The following PC variants were observed in gnomAD, a reference collection of about 807,000 sequenced individuals.
The protein encoded by PC is pyruvate carboxylase, mitochondrial.
In PC, 46 loss-of-function variants were observed where a neutral mutation model predicts 107.8. The observed-to-expected ratio is 0.43, with a 90% CI of 0.34 to 0.55. PC has a LOEUF of 0.55. PC is among the 20% of genes least tolerant of loss of function. The probability of loss-of-function intolerance (pLI) is 0.04; values close to 1 mark genes in which losing one functional copy is unlikely to be tolerated. For missense variants in PC, 1,241 were observed against 1,643.1 expected, an observed-to-expected ratio of 0.76 and a Z score of 4.23; for synonymous variants, 662 against 684.7, an observed-to-expected ratio of 0.97 and a Z score of 0.52.
At chr11:66,947,480 G>A (rs1392941497) in intron 3 of PC, among the ~76,000 whole-genome samples, 1 of 151,870 alleles carries the variant, frequency 6.6e-6, no homozygotes, top group Non-Finnish European at 1.5e-5. Flanking sequence ...CCAGCTACTC[G>A]GGAGGTTGAG....
At chr11:66,941,680 G>A (rs565758801) in intron 3 of PC, among the ~76,000 whole-genome samples, 12 of 152,244 alleles carry the variant, frequency 7.9e-5, no homozygotes, top group African/African-American at 2.4e-4. Flanking sequence ...TTTTAGTAGA[G>A]ACGGGGTTTC....
chr11:66,878,745 C>T lies in PC; in HGVS notation c.1-6586G>A, dbSNP rs367581173. On this transcript the variant is annotated intron_variant, in intron 3 of 22. Coordinates refer to ENST00000393960, the MANE Select transcript of PC (RefSeq NM_001040716.2). ...GGCCAAGAGGACTGTCCCCGGGGCA[C>T]GGGAGCTCTTTGGGTGGCAGCATGC... Among the ~76,000 whole-genome samples, 40 of 152,256 alleles carry T rather than the reference C, an allele frequency of 2.6e-4. No homozygotes were observed. The East Asian group carries it at 5.2e-3, about 20-fold the overall frequency.
chr11:66,898,309 C>T (rs1030538326), intron 3 of PC, among the ~76,000 whole-genome samples: 2 of 152,144 alleles, frequency 1.3e-5, no homozygotes, highest in Non-Finnish European at 2.9e-5. Context: ...ACTGCGCTGC[C>T]CTTCAGGGCC....
intron 3 of PC, among the ~76,000 whole-genome samples, chr11:66,877,448 G>A (rs975705720): frequency 6.6e-6 from 1 of 152,230 alleles, no homozygotes; most frequent in African/African-American, 2.4e-5. Context: ...CCAACACTTT[G>A]GGAGGCCAGG....
At chr11:66,905,920 T>C (rs1948150413) in intron 3 of PC, among the ~76,000 whole-genome samples, 1 of 151,516 alleles carries the variant, frequency 6.6e-6, no homozygotes, top group Admixed American at 6.6e-5. Context: ...GGAGCAGAGG[T>C]GGAACAGCAG....
chr11:66,857,048 C>T lies in PC; in HGVS notation c.1369-3665G>A, dbSNP rs1399562180. On this transcript the variant is annotated intron_variant, in intron 12 of 22. Coordinates refer to ENST00000393960, the MANE Select transcript of PC (RefSeq NM_001040716.2). The surrounding 1 kb of genome is among the most constrained non-coding windows in gnomAD (Gnocchi z 7.1). ...CCCGTCCGCCCTCCACGTGCGTGTC[C>T]GCGGCGCGCGCGCCCGCCGGCGCGC... is the stretch of plus-strand genomic sequence containing the variant. 2.0e-5 allele frequency: 3 copies of T among 146,424 alleles called. No individual in the cohort carries two copies. The highest frequency in any genetic ancestry group is 6.8e-5 in the Admixed American group (1 of 14,758). 9.1% of individuals were successfully genotyped at this position (146,424 alleles called of 1,614,324 possible). A position where few individuals can be genotyped will look rare whatever the true frequency, so the allele number is the denominator to read the frequency against.
At chr11:66,925,589 CACATGCTCTACAA>C (rs1391515614) in intron 3 of PC, among the ~76,000 whole-genome samples, 1 of 152,144 alleles carries the variant, frequency 6.6e-6, no homozygotes, top group Non-Finnish European at 1.5e-5. Flanking sequence ...TGTTCAAACA[CACATGCTCTACAA>C]ACAATTTGTG....
intron 3 of PC, among the ~76,000 whole-genome samples, chr11:66,931,677 G>C (rs1479925496): frequency 6.6e-6 from 1 of 152,100 alleles, no homozygotes; most frequent in Non-Finnish European, 1.5e-5. Flanking sequence ...ACTGATAAAT[G>C]AAAAGGGCAT....
intron 3 of PC, among the ~76,000 whole-genome samples, chr11:66,896,029 C>T (rs1947748385): frequency 6.6e-6 from 1 of 152,042 alleles, no homozygotes; most frequent in Non-Finnish European, 1.5e-5. Context: ...TAGAAAAGTG[C>T]AAAGCAATCC....
intron 10 of PC, among the ~76,000 whole-genome samples, chr11:66,868,041 A>G (rs1012974222): frequency 3.9e-5 from 6 of 152,248 alleles, no homozygotes; most frequent in Admixed American, 1.3e-4. Flanking sequence ...TGTCATTTAG[A>G]AACCAGGCGG....
chr11:66,873,966 C>CTT (rs1247452990), intron 3 of PC, among the ~76,000 whole-genome samples: 2 of 143,854 alleles, frequency 1.4e-5, no homozygotes, highest in African/African-American at 5.1e-5. Context: ...TTTCTTTTTT[C>CTT]TTTTTTTTTT....
chr11:66,873,506 TTATATATTATATTATATATTATAA>T (rs1190378043), intron 3 of PC, among the ~76,000 whole-genome samples: 1 of 3,958 alleles, frequency 2.5e-4, no homozygotes, highest in Non-Finnish European at 5.7e-4. Flanking sequence ...TTATATAATA[TTATATATTATATTATATATTATAA>T]TATATATTAT....
Position 66,870,989 on chromosome 11 carries a change from T to C in PC, c.633+63A>G. On this transcript the variant is annotated intron_variant, in intron 7 of 22. Coordinates refer to ENST00000393960, the MANE Select transcript of PC (RefSeq NM_001040716.2). The surrounding 1 kb of genome is among the most constrained non-coding windows in gnomAD (Gnocchi z 6.1). Reference sequence around the variant, plus strand: ...CCCACTTTCCAGATCCCTTGAGTGGTCCGCCCCTGCCCCCACGGCAGGCTG... The same window carrying C: ...CCCACTTTCCAGATCCCTTGAGTGGCCCGCCCCTGCCCCCACGGCAGGCTG... 1 of 1,610,558 alleles carries C rather than the reference T, an allele frequency of 6.2e-7. No individual in the cohort carries two copies. The highest frequency in any genetic ancestry group is 8.5e-7 in the Non-Finnish European group (1 of 1,178,142).
chr11:66,860,234 T>G (rs1196026942), intron 12 of PC: 2 of 1,539,056 alleles, frequency 1.3e-6, no homozygotes, highest in Non-Finnish European at 1.7e-6. Context: ...GGGATGAGCC[T>G]CGTGGGGCAG....
intron 3 of PC, among the ~76,000 whole-genome samples, chr11:66,886,746 T>C (rs924544185): frequency 1.3e-5 from 2 of 152,094 alleles, no homozygotes; most frequent in African/African-American, 4.8e-5. Flanking sequence ...GTAGAAACAG[T>C]GACTCAGCTT....
In PC at chr11:66,850,271, C is replaced by G. The variant is rs1006994126; in HGVS notation, c.2667G>C (p.Glu889Asp). 2.5e-6 allele frequency: 4 copies of G among 1,614,042 alleles called. No individual in the cohort carries two copies. Among genetic ancestry groups the G allele is most frequent in the Admixed American group, 1.7e-5 (1 of 60,002 alleles). Residue 889 changes from glutamate (E) to aspartate (D), a missense_variant, in exon 19 of 23, where the codon GAG (glutamate) becomes GAC (aspartate). By Grantham distance (45) the Glu-to-Asp change is conservative (BLOSUM62 2). Around this residue, in one of 2 missense-constraint regions of PC, gnomAD observed 1,143 missense variants for 1,551.9 expected, o/e 0.74. Coordinates refer to ENST00000393960, the MANE Select transcript of PC (RefSeq NM_001040716.2). ...HSMGLGSKFK[E>D]VKKAYVEANQ... is the part of the protein sequence containing the mutation. ...TGGCCTCCACATAGGCCTTCTTGAC[C>G]TCCTTGAACTTGGAGCCAAGCCCCA...
intron 3 of PC, among the ~76,000 whole-genome samples, chr11:66,875,248 C>T (rs970137861): frequency 3.2e-5 from 3 of 94,482 alleles, no homozygotes; most frequent in South Asian, 3.5e-4. Flanking sequence ...CTATGGGGGT[C>T]GGGGTGGGGC....
chr11:66,933,624 C>T (rs780626466), intron 3 of PC, among the ~76,000 whole-genome samples: 2 of 151,072 alleles, frequency 1.3e-5, no homozygotes, highest in African/African-American at 2.4e-5. Context: ...GCTCTCCAAT[C>T]CCTCCCTCCA....
Position 66,849,067 on chromosome 11 carries a change from G to C in PC, c.3369C>G (p.Ile1123Met). The change falls in exon 23 of 23, where the codon ATC becomes ATG. Residue 1123 changes from isoleucine (I) to methionine (M), a missense_variant. By Grantham distance (10) the Ile-to-Met change is conservative (BLOSUM62 1). Transcript: ENST00000393960. ...CCACCTTGGCCCCTGCCACCACTTTGATGTCTATCACCTTCCCAGGCATGG... is the reference window on the plus strand; with the variant it reads ...CCACCTTGGCCCCTGCCACCACTTTCATGTCTATCACCTTCCCAGGCATGG... ...GAPMPGKVIDIKVVAGAKVAK... is the reference protein window; with the variant it reads ...GAPMPGKVIDMKVVAGAKVAK... 1.2e-6 allele frequency: 2 copies of C among 1,614,106 alleles called. No individual in the cohort carries two copies. The highest frequency in any genetic ancestry group is 1.1e-5 in the South Asian group (1 of 91,092).
Sources: gnomAD v4.1 joint callset for allele counts (sites outside exome capture counted in the v4.1 genomes callset) on GRCh38, gnomAD v4.1.1 for gene constraint, gnomAD v4.1.1 regional missense constraint, Gnocchi (gnomAD v3.1) non-coding constraint, MANE v1.5 for transcripts, NCBI Gene and HGNC (gene_info 2026-07-23, HGNC 2026-07-21) for gene names.